Variants in SH3BP5 observed in about 807,000 individuals in gnomAD.
The protein encoded by SH3BP5 is SH3 domain binding protein 5, also known as SH3 domain-binding protein 5.
A neutral mutation model predicts 43.3 loss-of-function variants in SH3BP5; 22 were observed. The ratio of observed to expected loss-of-function variants is 0.51; its 90% CI spans 0.36 to 0.73. The LOEUF (loss-of-function observed/expected upper bound fraction) is 0.73. Ranked by LOEUF, SH3BP5 falls within the 30% of genes least tolerant of loss-of-function variation. SH3BP5 has a pLI of 0.00. For missense variants in SH3BP5, 529 were observed against 586.9 expected, an observed-to-expected ratio of 0.90 and a Z score of 1.02; for synonymous variants, 255 against 225.8, an observed-to-expected ratio of 1.13 and a Z score of -1.16.
upstream of SH3BP5, chr3:15,332,612 T>C (rs1698645678): frequency 2.5e-6 from 3 of 1,186,494 alleles, no homozygotes; most frequent in Non-Finnish European, 3.1e-6. Context: ...GCCCCCTTTC[T>C]GCCGCGGCAG....
chr3:15,264,109 T>G (rs1005366379), intron 4 of SH3BP5, among the ~76,000 whole-genome samples: 1 of 152,200 alleles, frequency 6.6e-6, no homozygotes, highest in African/African-American at 2.4e-5. Flanking sequence ...ACTTATTACT[T>G]ACGATAAGGA....
rs1698593634 is a variant in SH3BP5, at chr3:15,330,886, C to G, written c.139-320G>C. The G allele has an allele frequency of 2.7e-5, 7 of 261,130 alleles. No homozygotes were observed. The Admixed American group carries it at 4.5e-4, about 17-fold the overall frequency. The allele number at this position is 261,130 out of a possible 1,614,324, so 16.2% of individuals were successfully genotyped here. On this transcript the variant is annotated intron_variant, in intron 1 of 8. Coordinates refer to ENST00000383791, the MANE Select transcript of SH3BP5 (RefSeq NM_004844.5). The stretch of plus-strand genomic sequence containing the variant: ...AAATGGTTTAATGGCCTAATCAAAA[C>G]AGTACCATCTGCCTTGAGCAAGAAC...
Position 15,332,477 on chromosome 3 carries a change from TGGGCTGGA to T in SH3BP5, c.-77_-70del. On this transcript the variant is annotated 5_prime_UTR_variant, in exon 1 of 9. Coordinates refer to ENST00000383791, the MANE Select transcript of SH3BP5 (RefSeq NM_004844.5). ...CCCGGGGGTCGCGGCTGCCACAGGC[TGGGCTGGA>T]GCCGCCTCGCCACAGCCGGGCACGG... is the stretch of plus-strand genomic sequence containing the variant. 7.2e-7 allele frequency: 1 copy of T among 1,396,044 alleles called. No individual in the cohort carries two copies. Among genetic ancestry groups the T allele is most frequent in the South Asian group, 1.6e-5 (1 of 63,378 alleles). 86.5% of individuals were successfully genotyped at this position (1,396,044 alleles called of 1,614,324 possible). A position where few individuals can be genotyped will look rare whatever the true frequency, so the allele number is the denominator to read the frequency against.
At chr3:15,325,647 G>A (rs970531181) in intron 2 of SH3BP5, among the ~76,000 whole-genome samples, 18 of 152,282 alleles carry the variant, frequency 1.2e-4, no homozygotes, top group Admixed American at 7.2e-4. Context: ...AGGGACTTCT[G>A]TCCATTCTCT....
rs145685310 is a variant in SH3BP5 at position 15,262,161 on chromosome 3, G to C, written c.624C>G (p.Ser208=). The C allele has an allele frequency of 9.9e-6, 16 of 1,613,974 alleles. No homozygotes were observed. The highest frequency in any genetic ancestry group is 8.5e-6 in the Non-Finnish European group (10 of 1,180,004). Residue 208 remains serine, a splice_region_variant and synonymous_variant, in exon 5 of 9, where the codon TCC becomes TCG. Transcript: ENST00000383791. ...EKKLKRAINK[S]KPYFELKAKY... The stretch of plus-strand genomic sequence containing the variant: ...GGGAAGGCCCTGTCCAGACTTACTT[G>C]GACTTGTTGATGGCTCTCTTGAGTT...
chr3:15,313,230 A>G (rs901683828), intron 2 of SH3BP5, among the ~76,000 whole-genome samples: 1 of 152,264 alleles, frequency 6.6e-6, no homozygotes, highest in Non-Finnish European at 1.5e-5. Flanking sequence ...ATTGCACTCC[A>G]GCTTGGGCAA....
At chr3:15,271,752 T>G (rs895251559) in intron 3 of SH3BP5, 6 of 152,218 alleles carry the variant, frequency 3.9e-5, no homozygotes, top group African/African-American at 1.2e-4. Flanking sequence ...ACAGGGAAAC[T>G]TACAATTATA....
At chr3:15,260,760 G>A (rs887432771) in intron 5 of SH3BP5, among the ~76,000 whole-genome samples, 2 of 152,120 alleles carry the variant, frequency 1.3e-5, no homozygotes, top group Non-Finnish European at 2.9e-5. Context: ...GGAGAGGCAG[G>A]GTGGGCATGG....
At chr3:15,276,973 G>A (rs1237078135) in intron 3 of SH3BP5, among the ~76,000 whole-genome samples, 2 of 151,448 alleles carry the variant, frequency 1.3e-5, no homozygotes, top group East Asian at 3.9e-4. Context: ...TTCTTGAGAT[G>A]GAGTTTTGCT....
intron 3 of SH3BP5, chr3:15,273,185 G>T: frequency 1.0e-6 from 1 of 985,308 alleles, no homozygotes; most frequent in Non-Finnish European, 1.2e-6. Context: ...ATTTGTATTT[G>T]CCTTTTTAGG....
In SH3BP5 at chr3:15,259,757, A is replaced by C; in HGVS notation, c.669+4T>G. ...TCAGTGACGAAGCCCAAAGCTACAC[A>C]TACCTCGAGCTGCACATAGTACTTT... On this transcript the variant is annotated splice_donor_region_variant and intron_variant, in intron 6 of 8. Coordinates refer to ENST00000383791, the MANE Select transcript of SH3BP5 (RefSeq NM_004844.5). The C allele has an allele frequency of 6.2e-7, 1 of 1,614,094 alleles. No homozygotes were observed. Among genetic ancestry groups the C allele is most frequent in the Non-Finnish European group, 8.5e-7 (1 of 1,179,948 alleles).
At chr3:15,299,989 A>C (rs1438694561) in intron 3 of SH3BP5, among the ~76,000 whole-genome samples, 1 of 152,154 alleles carries the variant, frequency 6.6e-6, no homozygotes, top group East Asian at 1.9e-4. Flanking sequence ...CAACCATTTG[A>C]GTGAGTACCT....
chr3:15,256,757 G>A, intron 8 of SH3BP5, 96 bp downstream of exon 8: 1 of 1,372,468 alleles, frequency 7.3e-7, no homozygotes, highest in Non-Finnish European at 9.9e-7. Flanking sequence ...ATGCAGCATG[G>A]GGGCCCTGAG....
At chr3:15,333,277 A>G (rs1185781829), upstream of SH3BP5, 1 of 985,368 alleles carries the variant, frequency 1.0e-6, no homozygotes, top group Non-Finnish European at 1.2e-6. Context: ...CTGAAGAGGC[A>G]CGTGTGTGTG....
At chr3:15,325,698 G>C (rs1174390085) in intron 2 of SH3BP5, among the ~76,000 whole-genome samples, 2 of 152,164 alleles carry the variant, frequency 1.3e-5, no homozygotes, top group African/African-American at 4.8e-5. Flanking sequence ...CCCCCATCAC[G>C]TAGTAGGTGC....
intron 2 of SH3BP5, among the ~76,000 whole-genome samples, chr3:15,324,811 T>C (rs1698419307): frequency 7.0e-6 from 1 of 142,304 alleles, no homozygotes. Flanking sequence ...TCCAAGTTTC[T>C]AAGCTCAAAA....
At chr3:15,285,352 C>G (rs1241752958) in intron 3 of SH3BP5, among the ~76,000 whole-genome samples, 2 of 152,170 alleles carry the variant, frequency 1.3e-5, no homozygotes, top group African/African-American at 2.4e-5. Flanking sequence ...AAAGTCATGT[C>G]ATATGAACGC....
Position 15,257,043 on chromosome 3 carries a change from G to A in SH3BP5, c.960C>T (p.Ser320=), listed in dbSNP as rs377480225. The part of the protein sequence containing the change: ...FVSEDDSETQ[S]VSSFSSGPTS... The stretch of plus-strand genomic sequence containing the variant: ...TTGGTCCTGAACTAAAGCTGGACAC[G>A]GACTGGGTTTCCGAGTCATCTTCAG... Residue 320 remains serine (S), a synonymous_variant, in exon 8 of 9, where the codon TCC becomes TCT. Transcript: ENST00000383791. 13 of 1,614,050 alleles carry A rather than the reference G, an allele frequency of 8.1e-6. No homozygotes were observed. The East Asian group carries it at 1.1e-4, about 14-fold the overall frequency.
upstream of SH3BP5, among the ~76,000 whole-genome samples, chr3:15,333,775 T>C (rs1483804349): frequency 2.0e-5 from 3 of 152,190 alleles, no homozygotes; most frequent in African/African-American, 7.2e-5. Flanking sequence ...CTCCTGGAGG[T>C]AGTGCCATGG....
Sources: gnomAD v4.1 joint callset for allele counts (sites outside exome capture counted in the v4.1 genomes callset) on GRCh38, gnomAD v4.1.1 for gene constraint, MANE v1.5 for transcripts, NCBI Gene and HGNC (gene_info 2026-07-23, HGNC 2026-07-21) for gene names.